Variants in LAMA2 observed in about 807,000 individuals in gnomAD.
LAMA2 encodes laminin subunit alpha 2.
In LAMA2, 269 loss-of-function variants were observed where a neutral mutation model predicts 364.8. That is an observed-to-expected ratio of 0.74 (90% CI 0.67 to 0.82). LAMA2 has a LOEUF of 0.82. LAMA2 is among the 40% of genes least tolerant of loss of function. The pLI is 0.00. For synonymous variants in LAMA2, 1,379 were observed against 1,370.6 expected (o/e 1.01, Z -0.14); for missense variants, 3,807 against 3,873.2 (o/e 0.98, Z 0.45).
At chr6:129,325,392 C>T (rs544332445) in intron 28 of LAMA2, among the ~76,000 whole-genome samples, 4 of 152,186 alleles carry the variant, frequency 2.6e-5, no homozygotes, top group African/African-American at 7.2e-5. Context: ...AACTTTTTTG[C>T]TTCCAATTCC....
At chr6:129,369,823 G>T (rs1400810758) in intron 33 of LAMA2, 69 bp from the exon 34 acceptor site, 1 of 1,295,304 alleles carries the variant, frequency 7.7e-7, no homozygotes. Context: ...ATACAAAAAT[G>T]TGTTCTGTCG....
chr6:129,328,135 A>G, intron 28 of LAMA2, 143 bp from the exon 29 acceptor site: 1 of 757,744 alleles, frequency 1.3e-6, no homozygotes, highest in Non-Finnish European at 2.4e-6. Context: ...AAGTATCAAA[A>G]TCGGCACTTG....
At chr6:129,440,738 C>A (rs1782064532) in intron 42 of LAMA2, 78 bp from the exon 43 acceptor site, 3 of 1,280,456 alleles carry the variant, frequency 2.3e-6, no homozygotes, top group Non-Finnish European at 3.4e-6. Context: ...CCAGCCACAG[C>A]CTCGCTTTGT....
At position 129,464,305 on chromosome 6, in the gene LAMA2, T is replaced by C. The variant is rs762472683; in HGVS notation, c.7008T>C (p.Asp2336=). The C allele has an allele frequency of 8.1e-6, 13 of 1,612,034 alleles. No individual in the cohort carries two copies. The South Asian group carries it at 1.3e-4, about 16-fold the overall frequency. The change falls in exon 50 of 65, where the codon GAT becomes GAC. Residue 2336 remains aspartate, a synonymous_variant. Transcript: ENST00000421865. ...KGCTVSPQVE[D]SEGTIQFDGE... ...CTCTTCTCAGTCCTCAGGTGGAAGATAGTGAGGGGACTATTCAATTTGATG... is the reference window on the plus strand; with the variant it reads ...CTCTTCTCAGTCCTCAGGTGGAAGACAGTGAGGGGACTATTCAATTTGATG...
At chr6:129,446,293 TA>T (rs937523438) in intron 45 of LAMA2, among the ~76,000 whole-genome samples, 42 of 151,650 alleles carry the variant, frequency 2.8e-4, no homozygotes, top group African/African-American at 9.2e-4. Flanking sequence ...TAAACAACAA[TA>T]AAAATGGCTT....
chr6:129,108,415 G>A (rs936764100), intron 4 of LAMA2, among the ~76,000 whole-genome samples: 1 of 152,024 alleles, frequency 6.6e-6, no homozygotes, highest in Non-Finnish European at 1.5e-5. Flanking sequence ...AGCTTTTGAT[G>A]TCTAAATATA....
At chr6:129,261,765 T>A (rs1787152650) in intron 15 of LAMA2, among the ~76,000 whole-genome samples, 1 of 152,146 alleles carries the variant, frequency 6.6e-6, no homozygotes, top group African/African-American at 2.4e-5. Context: ...GTCATATTCA[T>A]GACAGCTGTG....
At chr6:129,206,142 AAGG>A (rs950424421) in intron 12 of LAMA2, among the ~76,000 whole-genome samples, 1 of 130,402 alleles carries the variant, frequency 7.7e-6, no homozygotes, top group Non-Finnish European at 1.6e-5. Flanking sequence ...GGAAGGAAGG[AAGG>A]AAGGAAGGAA....
chr6:128,947,845 A>G (rs768351769), intron 1 of LAMA2, among the ~76,000 whole-genome samples: 13 of 152,144 alleles, frequency 8.5e-5, no homozygotes, highest in Non-Finnish European at 2.9e-5. Context: ...TCATTATAAT[A>G]TGAGCAGAAA....
intron 17 of LAMA2, among the ~76,000 whole-genome samples, chr6:129,275,758 A>G (rs1277634642): frequency 2.6e-5 from 4 of 151,368 alleles, no homozygotes; most frequent in African/African-American, 9.7e-5. Context: ...TTTTTAAAAA[A>G]TTAATAAGTC....
chr6:129,099,132 T>G (rs1423255964), intron 4 of LAMA2, among the ~76,000 whole-genome samples: 1 of 149,206 alleles, frequency 6.7e-6, no homozygotes, highest in African/African-American at 2.5e-5. Context: ...TTTGTTTTTT[T>G]TTTTTTTGTT....
At chr6:129,046,910 AT>A (rs1787552797) in intron 1 of LAMA2, among the ~76,000 whole-genome samples, 1 of 152,210 alleles carries the variant, frequency 6.6e-6, no homozygotes, top group Non-Finnish European at 1.5e-5. Context: ...TCTTAGTAAT[AT>A]TTTTATTCTC....
intron 11 of LAMA2, among the ~76,000 whole-genome samples, chr6:129,191,622 G>C (rs759759768): frequency 2.8e-4 from 42 of 151,516 alleles, no homozygotes; most frequent in Non-Finnish European, 4.6e-4. Context: ...AGAAATGCAA[G>C]GAATATATTA....
At chr6:129,291,519 C>G (rs577205177) in intron 19 of LAMA2, 95 bp from the exon 20 acceptor site, 1 of 844,082 alleles carries the variant, frequency 1.2e-6, no homozygotes, top group East Asian at 2.6e-5. Flanking sequence ...TGAACTTAGG[C>G]GTCCATGTTA....
chr6:129,330,954 C>T (rs943840923), intron 29 of LAMA2, among the ~76,000 whole-genome samples: 6 of 151,914 alleles, frequency 3.9e-5, no homozygotes, highest in Admixed American at 6.6e-5. Flanking sequence ...CTGCAAGCTC[C>T]GCCTCTCAGG....
intron 44 of LAMA2, 85 bp from the exon 45 acceptor site, chr6:129,445,582 G>A (rs1367328948): frequency 8.9e-7 from 1 of 1,128,126 alleles, no homozygotes; most frequent in Non-Finnish European, 1.3e-6. Context: ...AGATGAAATT[G>A]TTTGGTTAAG....
intron 49 of LAMA2, 151 bp downstream of exon 49, chr6:129,460,475 C>A: frequency 1.2e-6 from 1 of 832,358 alleles, no homozygotes; most frequent in Non-Finnish European, 2.0e-6. Context: ...ACTAATGAAT[C>A]TTCAAGTCCC....
chr6:129,217,783 A>G (rs1263810141), intron 12 of LAMA2, among the ~76,000 whole-genome samples: 1 of 152,216 alleles, frequency 6.6e-6, no homozygotes, highest in Non-Finnish European at 1.5e-5. Flanking sequence ...GATATAATCT[A>G]CTGTGGATAG....
At chr6:129,382,102 G>T (rs112047695) in intron 34 of LAMA2, among the ~76,000 whole-genome samples, 5 of 152,206 alleles carry the variant, frequency 3.3e-5, no homozygotes, top group African/African-American at 1.2e-4. Flanking sequence ...AAGCACTCTG[G>T]TACAAGATTC....
Sources: allele counts gnomAD v4.1 joint callset (sites outside exome capture counted in the v4.1 genomes callset), GRCh38; gene constraint gnomAD v4.1.1; transcripts MANE v1.5; gene names NCBI Gene and HGNC (gene_info 2026-07-23, HGNC 2026-07-21).